The following ZBTB1 variants were observed in gnomAD, a reference collection of about 807,000 sequenced individuals.
ZBTB1 encodes zinc finger and BTB domain-containing protein 1.
In ZBTB1, 13 loss-of-function variants were observed where a neutral mutation model predicts 51.6. The observed-to-expected ratio is 0.25, with a 90% confidence interval of 0.16 to 0.40. The LOEUF (loss-of-function observed/expected upper bound fraction) is 0.40, where lower values mean the gene tolerates loss of function less well. Ranked by LOEUF, ZBTB1 falls within the 10% of genes least tolerant of loss-of-function variation. The pLI is 1.00. For synonymous variants in ZBTB1, 240 were observed against 282.2 expected (o/e 0.85, Z 1.50); for missense variants, 567 against 856.5 (o/e 0.66, Z 4.22).
chr14:64,528,937 A>G (rs2079923947), downstream of ZBTB1, among the ~76,000 whole-genome samples: 1 of 152,220 alleles, frequency 6.6e-6, no homozygotes, highest in Admixed American at 6.5e-5. Context: ...CAAGAAGTAC[A>G]AAGAAGGGCC....
downstream of ZBTB1, among the ~76,000 whole-genome samples, chr14:64,526,630 G>A (rs1334940985): frequency 2.6e-5 from 4 of 152,184 alleles, no homozygotes; most frequent in Admixed American, 1.3e-4. Context: ...CAACTTGCAT[G>A]TTCTACGATT....
intron 1 of ZBTB1, among the ~76,000 whole-genome samples, chr14:64,518,206 C>CT (rs1345367377): frequency 2.0e-5 from 3 of 152,016 alleles, no homozygotes; most frequent in Non-Finnish European, 4.4e-5. Flanking sequence ...CTTAAGACTC[C>CT]TTTTTTTACT....
chr14:64,527,421 C>T (rs981609916), downstream of ZBTB1, among the ~76,000 whole-genome samples: 5 of 151,992 alleles, frequency 3.3e-5, no homozygotes, highest in Admixed American at 6.6e-5. Context: ...CCAGCCTGGC[C>T]AACATGGTGA....
chr14:64,524,413 A>G lies in ZBTB1; in HGVS notation c.*767A>G. The stretch of plus-strand genomic sequence containing the variant: ...TTAAATTTAACTATGATAGTTAATT[A>G]AAAAGACATATCTTGTATTCATTAA... On this transcript the variant is annotated 3_prime_UTR_variant, in exon 2 of 2. Coordinates refer to ENST00000683701, the MANE Select transcript of ZBTB1 (RefSeq NM_001123329.2). 1.3e-6 allele frequency: 1 copy of G among 783,768 alleles called. No individual in the cohort carries two copies. Among genetic ancestry groups the G allele is most frequent in the Non-Finnish European group, 1.5e-6 (1 of 646,292 alleles). 48.6% of individuals were successfully genotyped at this position (783,768 alleles called of 1,614,324 possible).
chr14:64,512,839 A>G (rs2079739379), intron 1 of ZBTB1, among the ~76,000 whole-genome samples: 2 of 152,148 alleles, frequency 1.3e-5, no homozygotes, highest in African/African-American at 2.4e-5. Flanking sequence ...ATTGGACCCT[A>G]TACCCTGCAA....
At chr14:64,514,292 G>C (rs982300219) in intron 1 of ZBTB1, 3 of 152,126 alleles carry the variant, frequency 2.0e-5, no homozygotes, top group Non-Finnish European at 4.4e-5. Flanking sequence ...CAGAGATTGG[G>C]GTGCTGAATT....
intron 1 of ZBTB1, chr14:64,511,353 A>C (rs2079722395): frequency 6.6e-6 from 1 of 152,212 alleles, no homozygotes; most frequent in African/African-American, 2.4e-5. Context: ...AATATTCCAG[A>C]AGCCACTGTG....
chr14:64,514,504 T>G (rs746613752), intron 1 of ZBTB1: 4 of 152,246 alleles, frequency 2.6e-5, no homozygotes, highest in Non-Finnish European at 5.9e-5. Flanking sequence ...TTACCAAGGC[T>G]GGAGCAAGAG....
At chr14:64,528,009 G>C (rs114828733), downstream of ZBTB1, among the ~76,000 whole-genome samples, 3,797 of 152,164 alleles carry the variant, frequency 0.025, 52 homozygotes, top group Middle Eastern at 0.054. Flanking sequence ...AAGTAATTGA[G>C]ATATTATCTT....
At chr14:64,511,787 T>G (rs2079727026) in intron 1 of ZBTB1, among the ~76,000 whole-genome samples, 1 of 152,246 alleles carries the variant, frequency 6.6e-6, no homozygotes, top group Non-Finnish European at 1.5e-5. Context: ...CATAACAGTC[T>G]GAGGCCATTT....
In ZBTB1 at chr14:64,524,493, T is replaced by C. The variant is rs1240715217; in HGVS notation, c.*847T>C. 27 of 920,822 alleles carry C rather than the reference T, an allele frequency of 2.9e-5. 1 individual carries two copies. In the South Asian group the frequency reaches 8.0e-4, roughly 27 times the overall value. The allele number at this position is 920,822 out of a possible 1,614,324, so 57.0% of individuals were successfully genotyped here. ...CTAAAGTGTGTTAGCTTATCAATTA[T>C]TTTTGTTTATAAATAGACTTTAATA... On this transcript the variant is annotated 3_prime_UTR_variant, in exon 2 of 2. Transcript: ENST00000683701.
At chr14:64,520,520 C>G (rs1180572526) in intron 1 of ZBTB1, among the ~76,000 whole-genome samples, 1 of 152,080 alleles carries the variant, frequency 6.6e-6, no homozygotes, top group Non-Finnish European at 1.5e-5. Context: ...AAGGCGAGAT[C>G]TTGCTATGTT....
rs1391394438 is a variant in ZBTB1, at chr14:64,523,833, T to C, written c.*187T>C. 7.8e-7 allele frequency: 1 copy of C among 1,280,670 alleles called. No individual in the cohort carries two copies. Among genetic ancestry groups the C allele is most frequent in the East Asian group, 3.0e-5 (1 of 33,766 alleles). The allele number at this position is 1,280,670 out of a possible 1,614,324, so 79.3% of individuals were successfully genotyped here. ...TTAGGTATTAAATGTTTATCATTTT[T>C]GTTGTTTCTTAATAGAATTATTTGT... On this transcript the variant is annotated 3_prime_UTR_variant, in exon 2 of 2. Coordinates refer to ENST00000683701, the MANE Select transcript of ZBTB1 (RefSeq NM_001123329.2). The surrounding 1 kb of genome is among the most constrained non-coding windows in gnomAD (Gnocchi z 4.5).
intron 1 of ZBTB1, among the ~76,000 whole-genome samples, chr14:64,517,781 ATTTTT>A (rs10590459): frequency 1.4e-4 from 6 of 41,552 alleles, no homozygotes; most frequent in African/African-American, 2.7e-4. Flanking sequence ...ATATATATAT[ATTTTT>A]TTTTTTTTTT....
chr14:64,532,525 A>T (rs1294126580), exon 3 of ZBTB1: 1 of 152,088 alleles, frequency 6.6e-6, no homozygotes, highest in Admixed American at 6.6e-5. Context: ...GCCAGTCACA[A>T]TCTTGATCAT....
Position 64,504,925 on chromosome 14 carries a change from G to C in ZBTB1, c.-40G>C. 1 of 395,908 alleles carries C rather than the reference G, an allele frequency of 2.5e-6. No homozygotes were observed. Among genetic ancestry groups the C allele is most frequent in the Non-Finnish European group, 4.5e-6 (1 of 223,928 alleles). 24.5% of individuals were successfully genotyped at this position (395,908 alleles called of 1,614,324 possible). A position where few individuals can be genotyped will look rare whatever the true frequency, so the allele number is the denominator to read the frequency against. ...CCTTAAACTCCCTAAAATCTCCGCA[G>C]CTCTGGTTCCTGTTGCGGCCGGTAA... is the stretch of plus-strand genomic sequence containing the variant. On this transcript the variant is annotated 5_prime_UTR_variant, in exon 1 of 2. Coordinates refer to ENST00000683701, the MANE Select transcript of ZBTB1 (RefSeq NM_001123329.2).
At position 64,522,678 on chromosome 14, in the gene ZBTB1, A is replaced by G; in HGVS notation, c.1174A>G (p.Met392Val). 3 of 1,614,220 alleles carry G rather than the reference A, an allele frequency of 1.9e-6. No homozygotes were observed. Among genetic ancestry groups the G allele is most frequent in the Non-Finnish European group, 1.7e-6 (2 of 1,180,024 alleles). Reference sequence around the variant, plus strand: ...TGGTAGGAAAACTCTAAAACCTCGAATGTCAGTAAGTGCTGATGAAAGAGG... The same window carrying G: ...TGGTAGGAAAACTCTAAAACCTCGAGTGTCAGTAAGTGCTGATGAAAGAGG... ...KSGRKTLKPR[M>V]SVSADERGGL... The change falls in exon 2 of 2, where the codon ATG (methionine) becomes GTG (valine). Residue 392 changes from methionine to valine, a missense_variant. Met to Val is a conservative substitution (Grantham distance 21). Coordinates refer to ENST00000683701, the MANE Select transcript of ZBTB1 (RefSeq NM_001123329.2).
chr14:64,509,402 C>G (rs1470851), intron 1 of ZBTB1, among the ~76,000 whole-genome samples: 34,881 of 151,980 alleles, frequency 0.23, 4,667 homozygotes, highest in Non-Finnish European at 0.31. Context: ...AAGTCCCAAA[C>G]AGAGTGAGCT....
intron 1 of ZBTB1, chr14:64,511,137 T>C (rs1005872388): frequency 1.3e-5 from 2 of 152,196 alleles, no homozygotes; most frequent in African/African-American, 4.8e-5. Context: ...ACAGAATTAG[T>C]ACTTTGAAAT....
Sources: gnomAD v4.1 joint callset for allele counts (sites outside exome capture counted in the v4.1 genomes callset) on GRCh38, gnomAD v4.1.1 for gene constraint, Gnocchi (gnomAD v3.1) non-coding constraint, MANE v1.5 for transcripts, NCBI Gene and HGNC (gene_info 2026-07-23, HGNC 2026-07-21) for gene names.